Variants in DAB1 observed in about 807,000 individuals in gnomAD.
DAB1 encodes the protein disabled homolog 1.
Under a neutral mutation model 64.6 loss-of-function variants are expected in DAB1, and 15 were observed. The observed-to-expected ratio is 0.23, with a 90% confidence interval of 0.16 to 0.36. The LOEUF is 0.36. Ranked by LOEUF, DAB1 falls within the 10% of genes least tolerant of loss-of-function variation. The pLI is 1.00. For missense variants in DAB1, 596 were observed against 706.7 expected (o/e 0.84, Z 1.78); for synonymous variants, 235 against 251.9 (o/e 0.93, Z 0.64).
chr1:57,520,957 T>C (rs962318148), intron 7 of DAB1, among the ~76,000 whole-genome samples: 11 of 151,928 alleles, frequency 7.2e-5, no homozygotes, highest in Non-Finnish European at 1.6e-4. Flanking sequence ...TGAAAGGTAA[T>C]GTCTTTTTCC....
At chr1:58,031,155 G>A (rs1570250570) in intron 5 of DAB1, among the ~76,000 whole-genome samples, 1 of 152,144 alleles carries the variant, frequency 6.6e-6, no homozygotes, top group Non-Finnish European at 1.5e-5. Flanking sequence ...CATGAGCTAA[G>A]TCCTGAATGT....
chr1:58,265,104 A>G (rs2100420960), intron 4 of DAB1, among the ~76,000 whole-genome samples: 2 of 152,334 alleles, frequency 1.3e-5, no homozygotes, highest in Admixed American at 1.3e-4. Flanking sequence ...AGAGAAAGTT[A>G]GAATTGAGTA....
intron 3 of DAB1, among the ~76,000 whole-genome samples, chr1:58,381,842 T>C (rs930781014): frequency 2.6e-5 from 4 of 151,996 alleles, no homozygotes; most frequent in South Asian, 2.1e-4. Flanking sequence ...AGCCTGGGAA[T>C]AAATTTAGGA....
intron 3 of DAB1, among the ~76,000 whole-genome samples, chr1:58,375,665 C>A (rs564357870): frequency 7.5e-6 from 1 of 133,672 alleles, no homozygotes; most frequent in African/African-American, 2.8e-5. Flanking sequence ...TGTCTCTGCC[C>A]GGCTTTGGTA....
intron 2 of DAB1, among the ~76,000 whole-genome samples, chr1:57,183,720 G>A (rs1663228757): frequency 6.6e-6 from 1 of 152,180 alleles, no homozygotes; most frequent in African/African-American, 2.4e-5. Context: ...CACTATATGG[G>A]AAAGTAATTT....
At chr1:57,130,012 A>G (rs185807276) in intron 4 of DAB1, among the ~76,000 whole-genome samples, 143 of 151,882 alleles carry the variant, frequency 9.4e-4, no homozygotes, top group African/African-American at 3.3e-3. Flanking sequence ...CCTGGCCGAT[A>G]CAACAATAAA....
chr1:57,546,988 T>C (rs1644862636), intron 7 of DAB1, among the ~76,000 whole-genome samples: 1 of 152,106 alleles, frequency 6.6e-6, no homozygotes, highest in Non-Finnish European at 1.5e-5. Flanking sequence ...AGCATATTAA[T>C]CGTATTTTTT....
chr1:57,193,106 AAC>A (rs1664287253), intron 2 of DAB1, among the ~76,000 whole-genome samples: 1 of 152,150 alleles, frequency 6.6e-6, no homozygotes, highest in African/African-American at 2.4e-5. Flanking sequence ...AATTTCCAAG[AAC>A]ACAGTGTTAT....
At chr1:58,519,033 A>G (rs111638257) in intron 2 of DAB1, among the ~76,000 whole-genome samples, 7 of 152,300 alleles carry the variant, frequency 4.6e-5, no homozygotes, top group African/African-American at 1.7e-4. Flanking sequence ...CATTATCTCT[A>G]CACTTATTGC....
intron 5 of DAB1, among the ~76,000 whole-genome samples, chr1:58,013,678 C>T (rs1646700791): frequency 6.6e-6 from 1 of 152,140 alleles, no homozygotes; most frequent in Non-Finnish European, 1.5e-5. Context: ...CCATTGCATC[C>T]ATTTTACTTG....
intron 1 of DAB1, among the ~76,000 whole-genome samples, chr1:57,364,403 G>A (rs1250688686): frequency 6.6e-6 from 1 of 152,114 alleles, no homozygotes; most frequent in Non-Finnish European, 1.5e-5. Flanking sequence ...ACTGGAACAA[G>A]AGACCTGGGT....
chr1:58,051,729 T>C (rs1570281513), intron 5 of DAB1, among the ~76,000 whole-genome samples: 1 of 152,220 alleles, frequency 6.6e-6, no homozygotes, highest in Non-Finnish European at 1.5e-5. Context: ...GACTTTTTAA[T>C]GATTGCCATT....
At chr1:57,801,998 C>T (rs111932106) in intron 6 of DAB1, among the ~76,000 whole-genome samples, 1 of 152,290 alleles carries the variant, frequency 6.6e-6, no homozygotes, top group African/African-American at 2.4e-5. Flanking sequence ...CAGGTAGAGA[C>T]TATTGGGGTG....
chr1:57,286,805 G>T (rs1672353074), intron 2 of DAB1, among the ~76,000 whole-genome samples: 2 of 152,092 alleles, frequency 1.3e-5, no homozygotes, highest in African/African-American at 4.8e-5. Flanking sequence ...GATAAATATA[G>T]ATACAAAAAC....
intron 6 of DAB1, among the ~76,000 whole-genome samples, chr1:57,705,508 T>A (rs1199646273): frequency 1.3e-5 from 2 of 152,124 alleles, no homozygotes; most frequent in African/African-American, 4.8e-5. Flanking sequence ...TTCTGTTGGA[T>A]TAGGTTTTCT....
rs528040631 is a variant in DAB1 at position 57,770,027 on chromosome 1, G to C, written n.551+113972C>G. Among the ~76,000 whole-genome samples, 244 of 152,182 alleles carry C rather than the reference G, an allele frequency of 1.6e-3. 2 individuals carry two copies. Among genetic ancestry groups the C allele is most frequent in the African/African-American group, 5.8e-3 (239 of 41,516 alleles). The stretch of plus-strand genomic sequence containing the variant: ...ACACTGGCTTCTTAAGGGCAGCATT[G>C]GATTATGTATGCCCAGTCTGCAATC... On this transcript the variant is annotated intron_variant and non_coding_transcript_variant, in intron 6 of 20. Coordinates refer to the DAB1 transcript ENST00000485760.
intron 4 of DAB1, among the ~76,000 whole-genome samples, chr1:58,320,000 T>C (rs561834829): frequency 1.3e-5 from 2 of 152,330 alleles, no homozygotes; most frequent in East Asian, 3.9e-4. Context: ...AAATTGTTCA[T>C]TATAGCAATC....
At chr1:57,732,896 T>C (rs1420707542) in intron 6 of DAB1, among the ~76,000 whole-genome samples, 3 of 152,188 alleles carry the variant, frequency 2.0e-5, no homozygotes, top group Non-Finnish European at 4.4e-5. Context: ...TATTCTTGGT[T>C]TAAGGCTCTG....
At chr1:58,490,884 C>A (rs975116547) in intron 3 of DAB1, among the ~76,000 whole-genome samples, 21 of 140,206 alleles carry the variant, frequency 1.5e-4, no homozygotes, top group African/African-American at 4.5e-4. Flanking sequence ...CGGCTCACAG[C>A]AAGCTCTGCC....
Sources: allele counts gnomAD v4.1 joint callset (sites outside exome capture counted in the v4.1 genomes callset), GRCh38; gene constraint gnomAD v4.1.1; transcripts MANE v1.5; gene names NCBI Gene and HGNC (gene_info 2026-07-23, HGNC 2026-07-21).